PRDM16: variants seen among roughly 807,000 people sequenced by gnomAD.
PRDM16 encodes PR/SET domain 16.
PRDM16 carries 23 observed loss-of-function variants against 110.6 expected under a neutral mutation model. The observed-to-expected ratio is 0.21, with a 90% CI of 0.15 to 0.29. The LOEUF (loss-of-function observed/expected upper bound fraction) is 0.29. Ranked by LOEUF, PRDM16 falls within the 10% of genes least tolerant of loss-of-function variation. PRDM16 has a pLI of 1.00. For synonymous variants in PRDM16, 799 were observed against 781.8 expected (o/e 1.02, Z -0.37); for missense variants, 1,615 against 1,794.3 (o/e 0.90, Z 1.81).
intron 3 of PRDM16, among the ~76,000 whole-genome samples, chr1:3,329,804 T>G (rs1316089169): frequency 6.6e-6 from 1 of 152,232 alleles, no homozygotes; most frequent in East Asian, 1.9e-4. Context: ...AGGCCCCCAC[T>G]GCCACCCACT....
At chr1:3,183,300 A>T (rs1014822201) in intron 1 of PRDM16, among the ~76,000 whole-genome samples, 1 of 152,188 alleles carries the variant, frequency 6.6e-6, no homozygotes, top group African/African-American at 2.4e-5. Context: ...CTCAGGGTGG[A>T]GAAGGGCTGA....
At chr1:3,122,085 G>A (rs1164431485) in intron 1 of PRDM16, among the ~76,000 whole-genome samples, 1 of 152,128 alleles carries the variant, frequency 6.6e-6, no homozygotes, top group East Asian at 1.9e-4. Flanking sequence ...CCTTTCCTGC[G>A]CACGGTGTCT....
chr1:3,421,955 G>A (rs373294961), intron 12 of PRDM16, among the ~76,000 whole-genome samples: 5 of 149,862 alleles, frequency 3.3e-5, no homozygotes, highest in African/African-American at 1.2e-4. Context: ...CAGGCGGACA[G>A]ACAGGAAGAC....
At position 3,165,663 on chromosome 1, in the gene PRDM16, T is replaced by C. The variant is rs868254576; in HGVS notation, c.38-20462T>C. Among the ~76,000 whole-genome samples, 109 of 83,106 alleles carry C rather than the reference T, an allele frequency of 1.3e-3. 2 individuals are homozygous for C. Among genetic ancestry groups the C allele is most frequent in the African/African-American group, 4.1e-3 (58 of 14,222 alleles). 54.5% of individuals were successfully genotyped at this position (83,106 alleles called of 152,430 possible). On this transcript the variant is annotated intron_variant, in intron 1 of 16. Coordinates refer to ENST00000270722, the MANE Select transcript of PRDM16 (RefSeq NM_022114.4). ...CTCAGGGACAGGGACTCACCTGGGC[T>C]CAGGGACAGTGACTCACCTGGGCCC...
intron 1 of PRDM16, among the ~76,000 whole-genome samples, chr1:3,159,968 TAAA>T (rs1030747449): frequency 2.0e-5 from 3 of 152,250 alleles, no homozygotes; most frequent in African/African-American, 7.2e-5. Context: ...ATACTTACAC[TAAA>T]AAAATCATCC....
intron 5 of PRDM16, among the ~76,000 whole-genome samples, chr1:3,401,694 C>A (rs527892523): frequency 6.6e-6 from 1 of 152,318 alleles, no homozygotes; most frequent in East Asian, 1.9e-4. Flanking sequence ...GCCACCCATG[C>A]GCACGAACAT....
chr1:3,266,806 G>C (rs182735933), intron 3 of PRDM16, among the ~76,000 whole-genome samples: 96 of 152,304 alleles, frequency 6.3e-4, no homozygotes, highest in African/African-American at 2.2e-3. Context: ...CTCCTGAGTA[G>C]CTGGGATTAC....
intron 3 of PRDM16, among the ~76,000 whole-genome samples, chr1:3,267,795 C>T (rs1234162785): frequency 5.3e-5 from 8 of 152,204 alleles, no homozygotes; most frequent in Admixed American, 5.2e-4. Flanking sequence ...TGCGGGTCCA[C>T]AGTGGGTGTC....
chr1:3,259,920 G>A (rs530350700), intron 3 of PRDM16, among the ~76,000 whole-genome samples: 1 of 152,222 alleles, frequency 6.6e-6, no homozygotes, highest in Admixed American at 6.5e-5. Flanking sequence ...AGGGCACCCA[G>A]GATCTTCCAT....
intron 2 of PRDM16, among the ~76,000 whole-genome samples, chr1:3,230,626 C>G (rs1421705301): frequency 6.6e-6 from 1 of 152,234 alleles, no homozygotes; most frequent in Non-Finnish European, 1.5e-5. Flanking sequence ...CCATCTCACA[C>G]CACCTTTCCC....
At chr1:3,189,434 A>G (rs1461423945) in intron 2 of PRDM16, among the ~76,000 whole-genome samples, 1 of 151,812 alleles carries the variant, frequency 6.6e-6, no homozygotes, top group Non-Finnish European at 1.5e-5. Context: ...CCTGGGACAG[A>G]GAAAAACATG....
In PRDM16 at chr1:3,350,370, T is replaced by C. The variant is rs1029567009; in HGVS notation, c.439-34782T>C. On this transcript the variant is annotated intron_variant, in intron 3 of 16. Transcript: ENST00000270722. This position sits in a 1 kb window ranked among gnomAD's most constrained non-coding sequence, Gnocchi z 7.1. ...ATCTGGAAGTGGGAGGGGAGGCGGC[T>C]CTCTACCTCCAACCTGGGCACCCTT... 6.6e-6 allele frequency among the ~76,000 whole-genome samples: 1 copy of C among 151,952 alleles called. No homozygotes were observed. The highest frequency in any genetic ancestry group is 6.5e-5 in the Admixed American group (1 of 15,268).
intron 3 of PRDM16, among the ~76,000 whole-genome samples, chr1:3,305,358 TGCCCGTGCAGGG>T (rs1641289746): frequency 6.6e-6 from 1 of 152,152 alleles, no homozygotes. Context: ...CCGCAGCCCC[TGCCCGTGCAGGG>T]GGCCCAGGTG....
chr1:3,152,397 CATCCATTT>C (rs879886527), intron 1 of PRDM16, among the ~76,000 whole-genome samples: 8,890 of 123,900 alleles, frequency 0.072, 754 homozygotes, highest in East Asian at 0.29. Context: ...TCCATCCATC[CATCCATTT>C]ATCCATCCAT....
chr1:3,079,081 C>T (rs1040685359), intron 1 of PRDM16, among the ~76,000 whole-genome samples: 2 of 152,246 alleles, frequency 1.3e-5, no homozygotes, highest in Admixed American at 6.5e-5. Context: ...TGACTGTCTC[C>T]GACGGCTCCG....
chr1:3,116,297 C>T (rs769349483), intron 1 of PRDM16, among the ~76,000 whole-genome samples: 14 of 152,146 alleles, frequency 9.2e-5, no homozygotes, highest in Non-Finnish European at 1.9e-4. Context: ...GGCTGCCCTG[C>T]GCCGGCGTGC....
chr1:3,287,502 G>A (rs111992147), intron 3 of PRDM16, among the ~76,000 whole-genome samples: 34 of 66,294 alleles, frequency 5.1e-4, no homozygotes, highest in African/African-American at 1.8e-3. Flanking sequence ...CGGGGCTGGA[G>A]CCGCCCCGCC....
intron 3 of PRDM16, among the ~76,000 whole-genome samples, chr1:3,277,576 G>A (rs188486995): frequency 9.7e-4 from 148 of 152,338 alleles, no homozygotes; most frequent in African/African-American, 3.5e-3. Context: ...TTGTGAATCC[G>A]CTGAAGCCCC....
chr1:3,099,007 G>GT (rs568996300), intron 1 of PRDM16, among the ~76,000 whole-genome samples: 23 of 152,346 alleles, frequency 1.5e-4, no homozygotes, highest in African/African-American at 4.8e-4. Flanking sequence ...CCCTGGCTGA[G>GT]TAGGAGGGTT....
Sources: allele counts gnomAD v4.1 joint callset (sites outside exome capture counted in the v4.1 genomes callset), GRCh38; gene constraint gnomAD v4.1.1; non-coding constraint Gnocchi (gnomAD v3.1); transcripts MANE v1.5; gene names NCBI Gene and HGNC (gene_info 2026-07-23, HGNC 2026-07-21).